The following TMEM230 variants were observed in gnomAD, a reference collection of about 807,000 sequenced individuals.
TMEM230 encodes the protein transmembrane protein 230, also known as UPF0414 transmembrane protein C20orf30.
Under a neutral mutation model 15.8 loss-of-function variants are expected in TMEM230, and 10 were observed. That is an observed-to-expected ratio of 0.63 (90% CI 0.39 to 1.07). TMEM230 has a LOEUF of 1.07. TMEM230 is among the 50% of genes least tolerant of loss of function. TMEM230 has a pLI of 0.01. For missense variants in TMEM230, 165 were observed against 193.3 expected (o/e 0.85, Z 0.87); for synonymous variants, 67 against 76.9 (o/e 0.87, Z 0.68).
chr20:5,093,594 T>C (rs998144894), intron 3 of TMEM230, among the ~76,000 whole-genome samples: 6 of 152,008 alleles, frequency 3.9e-5, no homozygotes, highest in African/African-American at 1.5e-4. Context: ...TGGAGTGCAG[T>C]GGCACCATCT....
At chr20:5,090,790 T>G (rs2089486091) in intron 3 of TMEM230, among the ~76,000 whole-genome samples, 1 of 152,142 alleles carries the variant, frequency 6.6e-6, no homozygotes, top group Non-Finnish European at 1.5e-5. Context: ...GTGTCTGCGA[T>G]GAAGGATGAC....
rs868411168 is a variant in TMEM230, at chr20:5,108,153, C to T, written c.288+1179G>A. ...CAAAACAAGAGGCTGGGCAAGGTGG[C>T]TCACGCCTATAATCCCAGCACTTTG... On this transcript the variant is annotated intron_variant, in intron 3 of 4. Transcript: ENST00000342308. Among the ~76,000 whole-genome samples, 66 of 152,096 alleles carry T rather than the reference C, an allele frequency of 4.3e-4. 1 individual carries two copies. Among genetic ancestry groups the T allele is most frequent in the Middle Eastern group, 3.4e-3 (1 of 294 alleles).
At chr20:5,105,396 G>A (rs887515650) in intron 4 of TMEM230, among the ~76,000 whole-genome samples, 2 of 152,098 alleles carry the variant, frequency 1.3e-5, no homozygotes, top group African/African-American at 4.8e-5. Flanking sequence ...TGGGAGGCCA[G>A]CCTGGGCAAC....
intron 4 of TMEM230, 100 bp downstream of exon 3, chr20:5,106,088 C>CAT (rs2122780163): frequency 7.5e-7 from 1 of 1,330,080 alleles, no homozygotes; most frequent in Non-Finnish European, 1.0e-6. Context: ...AACACACACA[C>CAT]ACACACACAC....
chr20:5,099,922 T>G lies in TMEM230; in HGVS notation c.*869A>C. ...TTAATTTCTTTGGAATATAAGTCACTTTTTGCAAGCTAAAAAATAGAATCA... is the reference window on the plus strand; with the variant it reads ...TTAATTTCTTTGGAATATAAGTCACGTTTTGCAAGCTAAAAAATAGAATCA... On this transcript the variant is annotated 3_prime_UTR_variant, in exon 5 of 5. Transcript: ENST00000342308. 1.0e-6 allele frequency: 1 copy of G among 985,260 alleles called. No individual in the cohort carries two copies. Among genetic ancestry groups the G allele is most frequent in the Non-Finnish European group, 1.2e-6 (1 of 829,772 alleles). The allele number at this position is 985,260 out of a possible 1,614,324, so 61.0% of individuals were successfully genotyped here.
Position 5,071,638 on chromosome 20 carries a change from A to AC in TMEM230, c.223-2290dup, listed in dbSNP as rs1279997231. The stretch of plus-strand genomic sequence containing the variant: ...AACTCCGTCTCAAAAAAAAAAAAAA[A>AC]CAAAAAGGGTACATAGATTTATAGT... On this transcript the variant is annotated intron_variant, in intron 3 of 3. Transcript: ENST00000612323. 6.4e-4 allele frequency among the ~76,000 whole-genome samples: 9 copies of AC among 13,966 alleles called. No individual in the cohort carries two copies. In the East Asian group the frequency reaches 0.19, roughly 296 times the overall value. 9.2% of individuals were successfully genotyped at this position (13,966 alleles called of 152,430 possible).
intron 3 of TMEM230, among the ~76,000 whole-genome samples, chr20:5,093,215 GAAT>G (rs1403937680): frequency 6.6e-6 from 1 of 152,150 alleles, no homozygotes; most frequent in Non-Finnish European, 1.5e-5. Context: ...AGAAAAAAAA[GAAT>G]AAGAAAACCT....
rs763383477 is a variant in TMEM230 at position 5,106,290 on chromosome 20, C to T, written c.309G>A (p.Lys103=). Residue 103 remains lysine (K), a synonymous_variant, in exon 4 of 5, where the codon AAG becomes AAA. Transcript: ENST00000342308. Reference sequence around the variant, plus strand: ...CAAGTGCGATGGCCTTATAAGGGATCTTAGGAGGGGTTTTCTTAAACTGGA... The same window carrying T: ...CAAGTGCGATGGCCTTATAAGGGATTTTAGGAGGGGTTTTCTTAAACTGGA... 4.2e-5 allele frequency: 68 copies of T among 1,608,166 alleles called. No homozygotes were observed. Among genetic ancestry groups the T allele is most frequent in the Middle Eastern group, 1.7e-4 (1 of 6,060 alleles).
chr20:5,087,128 C>A (rs1398683206), intron 3 of TMEM230, among the ~76,000 whole-genome samples: 2 of 152,186 alleles, frequency 1.3e-5, no homozygotes, highest in Non-Finnish European at 2.9e-5. Flanking sequence ...CCTGCCTCAG[C>A]CTCACAAAGT....
intron 1 of TMEM230, chr20:5,111,852 TTTTC>T: frequency 1.1e-6 from 1 of 927,988 alleles, no homozygotes; most frequent in Non-Finnish European, 1.3e-6. Context: ...TTTTTTGGTG[TTTTC>T]TTTTTTTTGA....
intron 2 of TMEM230, among the ~76,000 whole-genome samples, chr20:5,110,294 T>C (rs368856167): frequency 1.3e-5 from 2 of 151,854 alleles, no homozygotes; most frequent in Non-Finnish European, 2.9e-5. Flanking sequence ...TCAGTTTTTT[T>C]TTTTTTCTTT....
At chr20:5,069,130 T>C (rs1458535190) in exon 4 of TMEM230, 16 of 1,368,650 alleles carry the variant, frequency 1.2e-5, no homozygotes, top group African/African-American at 4.4e-5. Flanking sequence ...TACTTATTCC[T>C]AGGACATTTT....
chr20:5,093,950 T>TA (rs1339084552), intron 3 of TMEM230, among the ~76,000 whole-genome samples: 1 of 151,164 alleles, frequency 6.6e-6, no homozygotes, highest in Non-Finnish European at 1.5e-5. Flanking sequence ...AGTGAGCTTT[T>TA]TTTTTCCCCT....
Position 5,100,712 on chromosome 20 carries a change from T to C in TMEM230, c.*79A>G. On this transcript the variant is annotated 3_prime_UTR_variant, in exon 5 of 5. Coordinates refer to ENST00000342308, the MANE Select transcript of TMEM230 (RefSeq NM_001009923.2). Reference sequence around the variant, plus strand: ...ATCTGCAAGCTGCAGAATTCCTTAGTCCTCAGCTATAGTTTCTGCTAGATA... The same window carrying C: ...ATCTGCAAGCTGCAGAATTCCTTAGCCCTCAGCTATAGTTTCTGCTAGATA... 5 of 1,558,544 alleles carry C rather than the reference T, an allele frequency of 3.2e-6. No homozygotes were observed. The highest frequency in any genetic ancestry group is 3.5e-6 in the Non-Finnish European group (4 of 1,151,070).
At chr20:5,094,621 A>C (rs913540263) in intron 3 of TMEM230, among the ~76,000 whole-genome samples, 6 of 143,770 alleles carry the variant, frequency 4.2e-5, no homozygotes, top group African/African-American at 1.5e-4. Context: ...GTAGGAGAAT[A>C]GCTTGAACAT....
chr20:5,059,904 T>C, the TMEM230 span, among the ~76,000 whole-genome samples: 6 of 125,508 alleles, frequency 4.8e-5, no homozygotes, highest in African/African-American at 1.8e-4. Context: ...GTCAGCCTCC[T>C]GAGTAGCCAG....
chr20:5,087,425 T>C (rs1288281030), intron 3 of TMEM230, among the ~76,000 whole-genome samples: 1 of 151,832 alleles, frequency 6.6e-6, no homozygotes, highest in Non-Finnish European at 1.5e-5. Context: ...ATTTAGATGA[T>C]GAGCTGAGAG....
At chr20:5,059,553 T>C in the TMEM230 span, among the ~76,000 whole-genome samples, 5 of 152,056 alleles carry the variant, frequency 3.3e-5, no homozygotes, top group Non-Finnish European at 7.4e-5. Flanking sequence ...TTCCTAAACA[T>C]GCTCATGATT....
chr20:5,067,126 C>G (rs1290675008), downstream of TMEM230: 1 of 152,044 alleles, frequency 6.6e-6, no homozygotes, highest in Non-Finnish European at 1.5e-5. Flanking sequence ...AGGCTCAGTC[C>G]TGCAGGGATC....
Sources: allele counts gnomAD v4.1 joint callset (sites outside exome capture counted in the v4.1 genomes callset), GRCh38; gene constraint gnomAD v4.1.1; transcripts MANE v1.5; gene names NCBI Gene and HGNC (gene_info 2026-07-23, HGNC 2026-07-21).